Variants in SACM1L observed in about 807,000 individuals in gnomAD.
The protein encoded by SACM1L is phosphatidylinositol-3-phosphatase SAC1.
A neutral mutation model predicts 89.5 loss-of-function variants in SACM1L; 32 were observed. That is an observed-to-expected ratio of 0.36 (90% CI 0.27 to 0.48). SACM1L has a LOEUF of 0.48. SACM1L is among the 20% of genes least tolerant of loss of function. SACM1L has a pLI of 0.99. For missense variants in SACM1L, 543 were observed against 708.5 expected (o/e 0.77, Z 2.65); for synonymous variants, 213 against 232.8 (o/e 0.92, Z 0.77).
intron 1 of SACM1L, among the ~76,000 whole-genome samples, chr3:45,692,444 C>T (rs1188940788): frequency 1.3e-5 from 2 of 152,136 alleles, no homozygotes; most frequent in Non-Finnish European, 2.9e-5. Flanking sequence ...TCACCTCAGC[C>T]CCCAAAGCAT....
At chr3:45,720,638 C>A (rs1698767905) in intron 8 of SACM1L, among the ~76,000 whole-genome samples, 1 of 152,062 alleles carries the variant, frequency 6.6e-6, no homozygotes, top group Non-Finnish European at 1.5e-5. Context: ...TTCATACACA[C>A]AAACACACAT....
chr3:45,724,357 G>A (rs1371872952), intron 11 of SACM1L, among the ~76,000 whole-genome samples: 2 of 150,190 alleles, frequency 1.3e-5, no homozygotes, highest in Non-Finnish European at 1.5e-5. Flanking sequence ...ATCCCAATGG[G>A]TGTGGAGTGG....
intron 12 of SACM1L, among the ~76,000 whole-genome samples, chr3:45,731,791 G>T (rs1699058900): frequency 6.6e-6 from 1 of 152,132 alleles, no homozygotes; most frequent in Non-Finnish European, 1.5e-5. Flanking sequence ...TGTGAGGATA[G>T]ATATATATGC....
At chr3:45,730,763 G>A (rs988646396) in intron 11 of SACM1L, 2 of 152,248 alleles carry the variant, frequency 1.3e-5, no homozygotes, top group Non-Finnish European at 2.9e-5. Flanking sequence ...CCAGCCTTTA[G>A]ATGGTCTATT....
At chr3:45,704,903 GA>G (rs1305146534) in intron 2 of SACM1L, among the ~76,000 whole-genome samples, 2 of 152,076 alleles carry the variant, frequency 1.3e-5, no homozygotes, top group African/African-American at 4.8e-5. Context: ...TTTCTTCCAT[GA>G]AAAAACCTAA....
At position 45,722,883 on chromosome 3, in the gene SACM1L, A is replaced by C; in HGVS notation, c.780A>C (p.Ile260=). ...TTTTCTTTTAGACTCGAGGATCAAT[A>C]CCTGTTTTCTGGTCCCAAAGACCAA... ...KASFVQTRGS[I]PVFWSQRPNL... The change falls in exon 10 of 20, where the codon ATA becomes ATC. Residue 260 remains isoleucine (I), a synonymous_variant. Coordinates refer to ENST00000389061, the MANE Select transcript of SACM1L (RefSeq NM_014016.5). The C allele has an allele frequency of 6.2e-7, 1 of 1,612,780 alleles. No homozygotes were observed. The highest frequency in any genetic ancestry group is 1.1e-5 in the South Asian group (1 of 91,004).
Position 45,727,128 on chromosome 3 carries a change from A to G in SACM1L, c.921+3585A>G, listed in dbSNP as rs1034471183. Among the ~76,000 whole-genome samples the G allele has an allele frequency of 9.8e-5, 2 of 20,462 alleles. 1 individual carries two copies. The highest frequency in any genetic ancestry group is 2.6e-4 in the Non-Finnish European group (2 of 7,658). The allele number at this position is 20,462 out of a possible 152,430, so 13.4% of individuals were successfully genotyped here. ...TCTCGATCTCCTGACCTCATGATCCACCCGCCTCGGCCTCCCAAAGTGCTG... is the reference window on the plus strand; with the variant it reads ...TCTCGATCTCCTGACCTCATGATCCGCCCGCCTCGGCCTCCCAAAGTGCTG... On this transcript the variant is annotated intron_variant, in intron 11 of 19. Coordinates refer to ENST00000389061, the MANE Select transcript of SACM1L (RefSeq NM_014016.5).
intron 11 of SACM1L, among the ~76,000 whole-genome samples, chr3:45,726,445 G>A (rs1375759797): frequency 1.3e-5 from 2 of 150,908 alleles, no homozygotes; most frequent in Non-Finnish European, 3.0e-5. Flanking sequence ...ATTCAGTTTT[G>A]GCAGGTTATA....
In SACM1L at chr3:45,703,418, T is replaced by C. The variant is rs1459105177; in HGVS notation, c.33-20T>C. ...TTCATTTCATTTGGTTAGTTATTTA[T>C]GTTTTACATTTCTTCTTAGGCATAT... On this transcript the variant is annotated intron_variant, in intron 1 of 19. Coordinates refer to ENST00000389061, the MANE Select transcript of SACM1L (RefSeq NM_014016.5). 7 of 1,521,812 alleles carry C rather than the reference T, an allele frequency of 4.6e-6. No homozygotes were observed. The highest frequency in any genetic ancestry group is 6.4e-6 in the Non-Finnish European group (7 of 1,096,922). 94.3% of individuals were successfully genotyped at this position (1,521,812 alleles called of 1,614,324 possible).
At chr3:45,720,360 C>T (rs1698760799) in intron 8 of SACM1L, among the ~76,000 whole-genome samples, 1 of 152,154 alleles carries the variant, frequency 6.6e-6, no homozygotes, top group Non-Finnish European at 1.5e-5. Flanking sequence ...AGTGCATTTA[C>T]ATATTTCAAA....
chr3:45,730,221 T>G (rs955548420), intron 11 of SACM1L, among the ~76,000 whole-genome samples: 2 of 151,962 alleles, frequency 1.3e-5, no homozygotes, highest in African/African-American at 4.8e-5. Context: ...TTTGTACCTG[T>G]GATTTTTTTT....
chr3:45,739,458 A>C, intron 18 of SACM1L, 129 bp from the exon 19 acceptor site: 1 of 823,516 alleles, frequency 1.2e-6, no homozygotes. Flanking sequence ...TTTTGTTGAC[A>C]AAAGATATTA....
intron 12 of SACM1L, 51 bp downstream of exon 12, chr3:45,731,431 A>G (rs766344067): frequency 2.5e-6 from 3 of 1,197,548 alleles, no homozygotes; most frequent in Non-Finnish European, 3.7e-6. Flanking sequence ...ATGTGCACTT[A>G]CATATATGCA....
rs545455837 is a variant in SACM1L at position 45,711,392 on chromosome 3, C to T, written c.483+1745C>T. Among the ~76,000 whole-genome samples, 10 of 152,034 alleles carry T rather than the reference C, an allele frequency of 6.6e-5. No individual in the cohort carries two copies. In the East Asian group the frequency reaches 1.4e-3, roughly 21 times the overall value. On this transcript the variant is annotated intron_variant, in intron 5 of 19. Transcript: ENST00000389061. ...CTGTAATCCCAACACTTTAGGTGGC[C>T]GAGGCAGAAGGATTGCTTGAGTCCA...
At chr3:45,689,529 G>T in intron 1 of SACM1L, 32 bp downstream of exon 1, 1 of 1,554,376 alleles carries the variant, frequency 6.4e-7, no homozygotes, top group Non-Finnish European at 8.7e-7. Context: ...CCTGAGGCGC[G>T]GCGGGCGGGG....
At position 45,693,664 on chromosome 3, in the gene SACM1L, A is replaced by G. The variant is rs190244041; in HGVS notation, c.32+4167A>G. Among the ~76,000 whole-genome samples the G allele has an allele frequency of 2.0e-3, 299 of 152,280 alleles. 1 individual carries two copies. Among genetic ancestry groups the G allele is most frequent in the African/African-American group, 6.8e-3 (283 of 41,552 alleles). ...ATCTTTCCATTTCATTGCATTATCC[A>G]TATGACCTTTTTTTCTCTTACCAGA... is the stretch of plus-strand genomic sequence containing the variant. On this transcript the variant is annotated intron_variant, in intron 1 of 19. Coordinates refer to ENST00000389061, the MANE Select transcript of SACM1L (RefSeq NM_014016.5).
At chr3:45,714,237 G>GTTTTTTTTTTTTT (rs1435536599) in intron 7 of SACM1L, among the ~76,000 whole-genome samples, 158 bp downstream of exon 7, 1 of 18,598 alleles carries the variant, frequency 5.4e-5, no homozygotes. Flanking sequence ...TTGCTATTTT[G>GTTTTTTTTTTTTT]TTTGTTTTTT....
At chr3:45,737,487 G>A (rs1169437759) in intron 14 of SACM1L, 96 bp from the exon 15 acceptor site, 1 of 1,193,724 alleles carries the variant, frequency 8.4e-7, no homozygotes, top group Non-Finnish European at 1.2e-6. Context: ...CAGCAACCAG[G>A]CACCATGAGA....
At chr3:45,739,835 G>A (rs932647848) in intron 19 of SACM1L, 191 bp downstream of exon 19, 17 of 608,640 alleles carry the variant, frequency 2.8e-5, no homozygotes, top group Non-Finnish European at 4.6e-5. Context: ...GATGGTTGTC[G>A]TTTTTTTTAA....
Sources: gnomAD v4.1 joint callset for allele counts (sites outside exome capture counted in the v4.1 genomes callset) on GRCh38, gnomAD v4.1.1 for gene constraint, MANE v1.5 for transcripts, NCBI Gene and HGNC (gene_info 2026-07-23, HGNC 2026-07-21) for gene names.